MUC7: variants seen among roughly 807,000 people sequenced by gnomAD.
MUC7 encodes the protein mucin 7, secreted.
MUC7 carries 2 observed loss-of-function variants against 2.5 expected under a neutral mutation model. The observed-to-expected ratio is 0.81, with a 90% confidence interval of 0.33 to 2.55. The LOEUF (loss-of-function observed/expected upper bound fraction) is 2.55, where lower values mean the gene tolerates loss of function less well. Among genes scored for constraint, MUC7 ranks in the 30% most tolerant of loss-of-function variants. The pLI is 0.11. For missense variants in MUC7, 408 were observed against 455.6 expected, an observed-to-expected ratio of 0.90 and a Z score of 0.95; for synonymous variants, 133 against 173.4, an observed-to-expected ratio of 0.77 and a Z score of 1.83.
intron 1 of MUC7, among the ~76,000 whole-genome samples, chr4:70,462,516 T>G (rs1346146605): frequency 1.3e-5 from 2 of 152,172 alleles, no homozygotes; most frequent in Non-Finnish European, 2.9e-5. Context: ...GAAAGTACTT[T>G]AAAAAGGAAA....
chr4:70,447,551 G>T (rs1734175966), intron 1 of MUC7, among the ~76,000 whole-genome samples: 1 of 152,138 alleles, frequency 6.6e-6, no homozygotes, highest in South Asian at 2.1e-4. Flanking sequence ...ATACATCATA[G>T]TAATAGAGAA....
At chr4:70,436,432 C>T (rs62322542) in intron 1 of MUC7, among the ~76,000 whole-genome samples, 2,264 of 152,062 alleles carry the variant, frequency 0.015, 37 homozygotes, top group South Asian at 0.039. Flanking sequence ...CTTGTCTTCT[C>T]ACTTTATTTC....
intron 1 of MUC7, among the ~76,000 whole-genome samples, chr4:70,463,187 C>T (rs570219365): frequency 7.3e-6 from 1 of 137,574 alleles, no homozygotes; most frequent in Non-Finnish European, 1.6e-5. Context: ...CCAGAAGATA[C>T]ACTTCAAACC....
chr4:70,457,881 T>C (rs958006817), intron 1 of MUC7, among the ~76,000 whole-genome samples: 1 of 152,144 alleles, frequency 6.6e-6, no homozygotes, highest in African/African-American at 2.4e-5. Flanking sequence ...CTTCCCTGCA[T>C]GGTTTATATG....
intron 1 of MUC7, among the ~76,000 whole-genome samples, chr4:70,445,529 TTAA>T (rs1416778243): frequency 3.3e-5 from 5 of 152,092 alleles, no homozygotes; most frequent in African/African-American, 9.7e-5. Context: ...TCTCCCCTAT[TTAA>T]TAATGTCTTC....
chr4:70,443,395 C>T (rs1298907203), intron 1 of MUC7, among the ~76,000 whole-genome samples: 1 of 151,404 alleles, frequency 6.6e-6, no homozygotes, highest in Non-Finnish European at 1.5e-5. Flanking sequence ...ACAACCAAAT[C>T]ACAGTAACTC....
chr4:70,430,740 AT>A (rs1560541199), intron 1 of MUC7: 1 of 152,120 alleles, frequency 6.6e-6, no homozygotes, highest in Non-Finnish European at 1.5e-5. Context: ...AATCAAGGTT[AT>A]TTTTTTAAGC....
Position 70,480,846 on chromosome 4 carries a change from T to C in MUC7, c.102T>C (p.His34=). 1 of 1,614,078 alleles carries C rather than the reference T, an allele frequency of 6.2e-7. No homozygotes were observed. The highest frequency in any genetic ancestry group is 2.2e-5 in the East Asian group (1 of 44,868). The change falls in exon 3 of 3, where the codon CAT becomes CAC. Residue 34 remains histidine, a synonymous_variant. Coordinates refer to ENST00000304887, the MANE Select transcript of MUC7 (RefSeq NM_152291.3). ...ATCATGAACTACGTCACAGAAGGCA[T>C]CATCACCAATCACCCAAATCTCACT... ...ERDHELRHRR[H]HHQSPKSHFE...
chr4:70,444,804 C>A (rs1323737393), intron 1 of MUC7, among the ~76,000 whole-genome samples: 2 of 152,140 alleles, frequency 1.3e-5, no homozygotes, highest in African/African-American at 4.8e-5. Context: ...GTAATCCCAG[C>A]ACTTTGGGAG....
At chr4:70,434,371 C>A (rs1215273821) in intron 1 of MUC7, among the ~76,000 whole-genome samples, 2 of 152,082 alleles carry the variant, frequency 1.3e-5, no homozygotes, top group African/African-American at 4.8e-5. Context: ...TGTTGGTAAG[C>A]TATTAATTAT....
At chr4:70,473,983 A>G (rs1307907801) in intron 1 of MUC7, 24 bp from the exon 2 acceptor site, 2 of 1,552,884 alleles carry the variant, frequency 1.3e-6, no homozygotes, top group South Asian at 2.3e-5. Context: ...AACTAATAGT[A>G]CGCCACATTT....
rs187289049 is a variant in MUC7 at position 70,431,551 on chromosome 4, C to T, written c.-93+864C>T. 3.6e-3 allele frequency among the ~76,000 whole-genome samples: 542 copies of T among 152,028 alleles called. 2 individuals carry two copies. Among genetic ancestry groups the T allele is most frequent in the African/African-American group, 0.013 (526 of 41,450 alleles). The stretch of plus-strand genomic sequence containing the variant: ...GTATATAATGTTTTAAAAGAGAAAA[C>T]TGAAACTGTTTCCAGATCAAGGTTA... On this transcript the variant is annotated intron_variant, in intron 1 of 3. Coordinates refer to the MUC7 transcript ENST00000413702.
At chr4:70,457,237 G>A (rs563018556) in intron 1 of MUC7, among the ~76,000 whole-genome samples, 1 of 152,168 alleles carries the variant, frequency 6.6e-6, no homozygotes, top group African/African-American at 2.4e-5. Context: ...GAGGCAAGAA[G>A]TTTGAGACAA....
upstream of MUC7, among the ~76,000 whole-genome samples, chr4:70,469,698 C>T (rs1364802670): frequency 6.6e-6 from 1 of 152,132 alleles, no homozygotes; most frequent in Non-Finnish European, 1.5e-5. Context: ...CAAATCAAAA[C>T]TACAATGAGA....
chr4:70,463,148 A>C (rs1734598560), intron 1 of MUC7, among the ~76,000 whole-genome samples: 1 of 150,146 alleles, frequency 6.7e-6, no homozygotes, highest in Non-Finnish European at 1.5e-5. Context: ...CAAAACTCTA[A>C]TGAAAGCCAA....
upstream of MUC7, among the ~76,000 whole-genome samples, chr4:70,468,241 T>C (rs999312031): frequency 6.6e-6 from 1 of 152,162 alleles, no homozygotes; most frequent in Non-Finnish European, 1.5e-5. Flanking sequence ...AAACTAGGTA[T>C]TGATGGAACG....
intron 1 of MUC7, among the ~76,000 whole-genome samples, chr4:70,442,561 T>G (rs1734035882): frequency 6.6e-6 from 1 of 152,172 alleles, no homozygotes; most frequent in Admixed American, 6.5e-5. Context: ...GGTCACCATT[T>G]GTAGGATGAA....
At chr4:70,466,420 A>C (rs1364448969) in intron 1 of MUC7, among the ~76,000 whole-genome samples, 2 of 152,232 alleles carry the variant, frequency 1.3e-5, no homozygotes, top group Non-Finnish European at 2.9e-5. Flanking sequence ...TATTAACCTT[A>C]AATGTAAATG....
intron 1 of MUC7, among the ~76,000 whole-genome samples, chr4:70,438,116 C>T (rs1733907606): frequency 6.6e-6 from 1 of 152,156 alleles, no homozygotes; most frequent in Non-Finnish European, 1.5e-5. Context: ...TAAGTAATGG[C>T]TCATGTACTG....
Sources: allele counts gnomAD v4.1 joint callset (sites outside exome capture counted in the v4.1 genomes callset), GRCh38; gene constraint gnomAD v4.1.1; transcripts MANE v1.5; gene names NCBI Gene and HGNC (gene_info 2026-07-23, HGNC 2026-07-21).